Variants in PITRM1 observed in about 807,000 individuals in gnomAD.
The protein encoded by PITRM1 is pitrilysin metallopeptidase 1, also known as presequence protease, mitochondrial.
In PITRM1, 100 loss-of-function variants were observed where a neutral mutation model predicts 129.9. The ratio of observed to expected loss-of-function variants is 0.77; its 90% confidence interval spans 0.65 to 0.91. PITRM1 has a LOEUF of 0.91. Among genes scored for constraint, PITRM1 ranks in the 40% least tolerant of loss-of-function variants. The pLI, the probability that PITRM1 is intolerant of heterozygous loss-of-function variation, is 0.00. For synonymous variants in PITRM1, 591 were observed against 508.8 expected, an observed-to-expected ratio of 1.16 and a Z score of -2.17; for missense variants, 1,471 against 1,318.3, an observed-to-expected ratio of 1.12 and a Z score of -1.79.
rs560088692 is a variant in PITRM1 at position 3,155,395 on chromosome 10, C to G, written c.1621+196G>C. 1.3e-4 allele frequency among the ~76,000 whole-genome samples: 20 copies of G among 152,278 alleles called. No homozygotes were observed. In the South Asian group the frequency reaches 3.7e-3, roughly 28 times the overall value. ...TTCAAGCTACTTCTTTTCAATGACT[C>G]CTGCGTTTCCTACTGAGCTACACGG... On this transcript the variant is annotated intron_variant, in intron 14 of 26. Coordinates refer to ENST00000224949, the MANE Select transcript of PITRM1 (RefSeq NM_014889.4).
intron 25 of PITRM1, 138 bp downstream of exon 25, chr10:3,138,764 CAG>C (rs1268895244): frequency 4.7e-6 from 4 of 846,804 alleles, no homozygotes; most frequent in Non-Finnish European, 8.3e-6. Flanking sequence ...TTTAGGGTGT[CAG>C]ACGTGGAAAT....
rs142281155 is a variant in PITRM1, at chr10:3,151,504, A to C, written c.1622-141T>G. The C allele has an allele frequency of 6.7e-4, 412 of 616,664 alleles. 3 individuals carry two copies. Among genetic ancestry groups the C allele is most frequent in the African/African-American group, 4.4e-3 (237 of 54,372 alleles). The allele number at this position is 616,664 out of a possible 1,614,324, so 38.2% of individuals were successfully genotyped here. A position where few individuals can be genotyped will look rare whatever the true frequency, so the allele number is the denominator to read the frequency against. On this transcript the variant is annotated intron_variant, in intron 14 of 26. Coordinates refer to ENST00000224949, the MANE Select transcript of PITRM1 (RefSeq NM_014889.4). ...GGAGTACAGGAGCACTGTGGTTTGC[A>C]AAGTATCTCCTATTTCCAGGCTGAC...
At chr10:3,163,921 T>C (rs769784749) in intron 6 of PITRM1, 36 bp from the exon 7 acceptor site, 5 of 1,448,592 alleles carry the variant, frequency 3.5e-6, no homozygotes, top group Admixed American at 1.9e-5. Context: ...TAAGTATACA[T>C]GTAAAATAAT....
chr10:3,148,219 A>G lies in PITRM1; in HGVS notation c.1944T>C (p.Ala648=), dbSNP rs750991549. The G allele has an allele frequency of 1.3e-5, 21 of 1,613,892 alleles. No homozygotes were observed. The highest frequency in any genetic ancestry group is 1.3e-5 in the African/African-American group (1 of 74,930). ...AGTCGTCGGGGAGCACGTGGGGAGAAGCACTCATCCCTCCGGTCTTCAATT... is the reference window on the plus strand; with the variant it reads ...AGTCGTCGGGGAGCACGTGGGGAGAGGCACTCATCCCTCCGGTCTTCAATT... ...QIELKTGGMS[A]SPHVLPDDSH... is the part of the protein sequence containing the mutation. The change falls in exon 17 of 27, where the codon GCT becomes GCC. Residue 648 remains alanine (A), a synonymous_variant. Coordinates refer to ENST00000224949, the MANE Select transcript of PITRM1 (RefSeq NM_014889.4).
rs56035202 is a variant in PITRM1, at chr10:3,167,284, AGAGCGAGC to A, written c.160-250_160-243del. Among the ~76,000 whole-genome samples the A allele has an allele frequency of 6.5e-3, 969 of 149,078 alleles. 11 individuals carry two copies. The highest frequency in any genetic ancestry group is 0.038 in the Middle Eastern group (11 of 292). ...TGTGTGTGTGTATAGAAAGAGAGAG[AGAGCGAGC>A]GAGCGAGCGAGCGCGAGAGCGCACG... is the stretch of plus-strand genomic sequence containing the variant. On this transcript the variant is annotated intron_variant, in intron 2 of 26. Coordinates refer to ENST00000224949, the MANE Select transcript of PITRM1 (RefSeq NM_014889.4).
In PITRM1 at chr10:3,163,881, T is replaced by A; in HGVS notation, c.635A>T (p.Asp212Val). The A allele has an allele frequency of 6.3e-7, 1 of 1,599,270 alleles. No homozygotes were observed. Among genetic ancestry groups the A allele is most frequent in the Non-Finnish European group, 8.5e-7 (1 of 1,171,182 alleles). Reference sequence around the variant, plus strand: ...GTGCTGGGAGAATATCCTCTCATTGTCTGTCTTGAAACGTAAAATAAATAA... The same window carrying A: ...GTGCTGGGAGAATATCCTCTCATTGACTGTCTTGAAACGTAAAATAAATAA... Reference protein sequence around the residue: ...VFNEMKGAFTDNERIFSQHLQ... With the variant: ...VFNEMKGAFTVNERIFSQHLQ... Residue 212 changes from aspartate to valine, a missense_variant, in exon 7 of 27, where the codon GAC becomes GTC. Coordinates refer to ENST00000224949, the MANE Select transcript of PITRM1 (RefSeq NM_014889.4).
chr10:3,157,307 C>T (rs1842055281), intron 12 of PITRM1, 128 bp downstream of exon 12: 2 of 638,254 alleles, frequency 3.1e-6, no homozygotes, highest in Non-Finnish European at 5.2e-6. Flanking sequence ...CAACAGATTA[C>T]TAGTTATAAA....
intron 7 of PITRM1, among the ~76,000 whole-genome samples, chr10:3,160,803 C>A (rs1208501722): frequency 1.3e-5 from 2 of 151,568 alleles, no homozygotes; most frequent in Non-Finnish European, 2.9e-5. Context: ...CCCGTCCCCC[C>A]AGGCTGGAGT....
rs1841924328 is a variant in PITRM1, at chr10:3,155,732, G to GCAGCAATAA, written c.1483-4_1483-3insTTATTGCTG. 1.2e-6 allele frequency: 2 copies of GCAGCAATAA among 1,613,340 alleles called. No individual in the cohort carries two copies. Among genetic ancestry groups the GCAGCAATAA allele is most frequent in the African/African-American group, 2.7e-5 (2 of 74,916 alleles). ...AAAGTCAGCTTATGCTGGTTATTCT[G>GCAGCAATAA]CAGCAATCACAGCAACAACAAAAGC... On this transcript the variant is annotated splice_polypyrimidine_tract_variant and splice_region_variant and intron_variant, in intron 13 of 26. Coordinates refer to ENST00000224949, the MANE Select transcript of PITRM1 (RefSeq NM_014889.4).
chr10:3,151,101 G>A (rs568161664), intron 15 of PITRM1, 146 bp downstream of exon 15: 15 of 648,108 alleles, frequency 2.3e-5, no homozygotes, highest in East Asian at 8.4e-5. Flanking sequence ...CAGAAGAATC[G>A]TGTAGAGCGA....
chr10:3,143,663 A>G, intron 22 of PITRM1, 162 bp from the exon 23 acceptor site: 1 of 714,264 alleles, frequency 1.4e-6, no homozygotes. Context: ...GACACTCTGC[A>G]GCCAGGTGCT....
At chr10:3,140,120 G>T (rs1840034000) in intron 24 of PITRM1, among the ~76,000 whole-genome samples, 1 of 152,182 alleles carries the variant, frequency 6.6e-6, no homozygotes, top group African/African-American at 2.4e-5. Context: ...GGTGCAGCAA[G>T]ATATTAACAA....
chr10:3,144,486 G>A (rs1840636602), intron 21 of PITRM1, 120 bp from the exon 22 acceptor site: 2 of 626,778 alleles, frequency 3.2e-6, no homozygotes, highest in Non-Finnish European at 5.6e-6. Context: ...AGGTGTAAGT[G>A]TTTTAAATAA....
rs142560962 is a variant in PITRM1, at chr10:3,159,954, G to A, written c.919-18C>T. 4.0e-5 allele frequency: 61 copies of A among 1,528,032 alleles called. No individual in the cohort carries two copies. The highest frequency in any genetic ancestry group is 1.6e-4 in the East Asian group (7 of 43,342). The allele number at this position is 1,528,032 out of a possible 1,614,324, so 94.7% of individuals were successfully genotyped here. A position where few individuals can be genotyped will look rare whatever the true frequency, so the allele number is the denominator to read the frequency against. On this transcript the variant is annotated intron_variant, in intron 8 of 26. Coordinates refer to ENST00000224949, the MANE Select transcript of PITRM1 (RefSeq NM_014889.4). ...AATTCCCTCTGTAAAATGACGTGACGTTGTGAGTAGGCACAGTGTCTGACG... is the reference window on the plus strand; with the variant it reads ...AATTCCCTCTGTAAAATGACGTGACATTGTGAGTAGGCACAGTGTCTGACG...
chr10:3,140,936 C>T, intron 23 of PITRM1, 124 bp from the exon 24 acceptor site: 2 of 905,526 alleles, frequency 2.2e-6, no homozygotes, highest in Non-Finnish European at 3.4e-6. Flanking sequence ...AAATTATGGT[C>T]CCATATTTTG....
chr10:3,159,966 C>G, intron 8 of PITRM1, 30 bp from the exon 9 acceptor site: 1 of 1,488,978 alleles, frequency 6.7e-7, no homozygotes. Flanking sequence ...TGTGAGTAGG[C>G]ACAGTGTCTG....
At chr10:3,160,892 C>G (rs1282769521) in intron 7 of PITRM1, among the ~76,000 whole-genome samples, 1 of 152,156 alleles carries the variant, frequency 6.6e-6, no homozygotes, top group African/African-American at 2.4e-5. Context: ...TCCCAAGTTG[C>G]TGGGATTACA....
In PITRM1 at chr10:3,137,755, G is replaced by A. The variant is rs1221162418; in HGVS notation, c.*276C>T. ...AAGTCAGAGTTGCCCTTTATTTTTA[G>A]ATTCTTAAATATTCTAGAATGAGGT... On this transcript the variant is annotated 3_prime_UTR_variant, in exon 27 of 27. Coordinates refer to ENST00000224949, the MANE Select transcript of PITRM1 (RefSeq NM_014889.4). 4.5e-6 allele frequency: 2 copies of A among 449,340 alleles called. No individual in the cohort carries two copies. Among genetic ancestry groups the A allele is most frequent in the African/African-American group, 4.0e-5 (2 of 49,924 alleles). 27.8% of individuals were successfully genotyped at this position (449,340 alleles called of 1,614,324 possible).
In PITRM1 at chr10:3,167,061, CACG is replaced by C; in HGVS notation, c.160-22_160-20del. ...ATGTCACCTGAGTTAACAAGAAAAA[CACG>C]ACCAGTTAAACTTAGACAAAATGGC... On this transcript the variant is annotated intron_variant, in intron 2 of 26. Transcript: ENST00000224949. The C allele has an allele frequency of 6.7e-7, 1 of 1,490,570 alleles. No individual in the cohort carries two copies. The highest frequency in any genetic ancestry group is 9.2e-7 in the Non-Finnish European group (1 of 1,082,424). 92.3% of individuals were successfully genotyped at this position (1,490,570 alleles called of 1,614,324 possible).
Sources: gnomAD v4.1 joint callset for allele counts (sites outside exome capture counted in the v4.1 genomes callset) on GRCh38, gnomAD v4.1.1 for gene constraint, MANE v1.5 for transcripts, NCBI Gene and HGNC (gene_info 2026-07-23, HGNC 2026-07-21) for gene names.